CUX1: variants seen among roughly 807,000 people sequenced by gnomAD.
The protein encoded by CUX1 is cut like homeobox 1.
CUX1 carries 31 observed loss-of-function variants against 158.8 expected under a neutral mutation model. That is an observed-to-expected ratio of 0.20 (90% CI 0.15 to 0.26). The LOEUF (loss-of-function observed/expected upper bound fraction) is 0.26. Ranked by LOEUF, CUX1 falls within the 10% of genes least tolerant of loss-of-function variation. The pLI is 1.00. For missense variants in CUX1, 1,589 were observed against 2,014.6 expected (o/e 0.79, Z 4.04); for synonymous variants, 879 against 862.1 (o/e 1.02, Z -0.34).
At chr7:101,885,021 G>A (rs1800083267) in intron 1 of CUX1, among the ~76,000 whole-genome samples, 1 of 152,040 alleles carries the variant, frequency 6.6e-6, no homozygotes, top group Non-Finnish European at 1.5e-5. Context: ...TCCCCTCCCT[G>A]CATGTCCTCT....
intron 18 of CUX1, among the ~76,000 whole-genome samples, chr7:102,279,565 C>T (rs1402482779): frequency 1.3e-5 from 2 of 152,178 alleles, no homozygotes; most frequent in Middle Eastern, 3.4e-3. Context: ...CAGGGATTCA[C>T]CTCTCCCTCT....
intron 1 of CUX1, among the ~76,000 whole-genome samples, chr7:101,894,178 T>C (rs886252158): frequency 1.3e-5 from 2 of 152,218 alleles, no homozygotes. Flanking sequence ...TGTAGGGATT[T>C]GGTGGTTTTT....
chr7:102,040,738 T>C lies in CUX1; in HGVS notation c.189+12593T>C, dbSNP rs181350441. Among the ~76,000 whole-genome samples, 770 of 152,342 alleles carry C rather than the reference T, an allele frequency of 5.1e-3. 8 individuals carry two copies. Among genetic ancestry groups the C allele is most frequent in the Non-Finnish European group, 8.2e-3 (559 of 68,036 alleles). ...TTGCTAAATAAAGCCAGGGCGTCCA[T>C]GTGGTTCGCTCCAAAGAGCATTTCA... On this transcript the variant is annotated intron_variant, in intron 3 of 23. Coordinates refer to ENST00000292535, the MANE Select transcript of CUX1 (RefSeq NM_181552.4).
At chr7:102,113,771 G>T (rs1022414692) in intron 7 of CUX1, among the ~76,000 whole-genome samples, 13 of 151,638 alleles carry the variant, frequency 8.6e-5, no homozygotes, top group African/African-American at 3.2e-4. Flanking sequence ...TCACTGTGTT[G>T]CCCAGGCTGG....
intron 2 of CUX1, among the ~76,000 whole-genome samples, chr7:101,943,368 A>C (rs1807955707): frequency 6.6e-6 from 1 of 151,926 alleles, no homozygotes; most frequent in Non-Finnish European, 1.5e-5. Flanking sequence ...TGGCCTCCCA[A>C]AGTTCTGGGA....
intron 4 of CUX1, among the ~76,000 whole-genome samples, chr7:102,092,922 AAAAAAAAAAAGAAAGAAAG>A (rs1238937650): frequency 9.6e-5 from 10 of 104,274 alleles, no homozygotes; most frequent in Non-Finnish European, 1.6e-4. Context: ...CAAAAAAAAA[AAAAAAAAAAAGAAAGAAAG>A]AAAAGAAAAA....
chr7:102,120,575 G>A (rs535878375), intron 8 of CUX1, among the ~76,000 whole-genome samples: 26 of 152,278 alleles, frequency 1.7e-4, no homozygotes, highest in African/African-American at 4.8e-4. Flanking sequence ...AGACATTTAC[G>A]AGGAACTTCA....
intron 2 of CUX1, among the ~76,000 whole-genome samples, chr7:101,985,824 A>G (rs1346334823): frequency 2.0e-5 from 3 of 152,218 alleles, no homozygotes; most frequent in African/African-American, 7.2e-5. Context: ...ATGTGGTGTG[A>G]TTCTTGACGT....
At chr7:102,033,133 T>G (rs1280811005) in intron 3 of CUX1, among the ~76,000 whole-genome samples, 1 of 152,098 alleles carries the variant, frequency 6.6e-6, no homozygotes, top group Non-Finnish European at 1.5e-5. Flanking sequence ...AAAAACAATC[T>G]ATGAACTAAG....
chr7:101,959,188 AAC>A (rs1338789658), intron 2 of CUX1, among the ~76,000 whole-genome samples: 1 of 151,734 alleles, frequency 6.6e-6, no homozygotes, highest in Non-Finnish European at 1.5e-5. Context: ...ATTCAGGAAA[AAC>A]AGACTTTTCC....
intron 2 of CUX1, among the ~76,000 whole-genome samples, chr7:102,006,019 T>C (rs568639971): frequency 6.6e-6 from 1 of 152,278 alleles, no homozygotes; most frequent in African/African-American, 2.4e-5. Flanking sequence ...AAGATGCGCT[T>C]GGAAGGCTAA....
chr7:102,257,421 G>GA lies in CUX1; in HGVS notation c.*8389dup, dbSNP rs797034263. On this transcript the variant is annotated 3_prime_UTR_variant, in exon 24 of 24. Transcript: ENST00000292535. The stretch of plus-strand genomic sequence containing the variant: ...ACGTACCCCCATCTGAGACCTCTTG[G>GA]AAAAAAAAAATCCCGTGTATTCTGG... 4.4e-4 allele frequency: 424 copies of GA among 966,352 alleles called. No homozygotes were observed. The highest frequency in any genetic ancestry group is 8.6e-4 in the African/African-American group (48 of 55,932). The allele number at this position is 966,352 out of a possible 1,614,324, so 59.9% of individuals were successfully genotyped here. A position where few individuals can be genotyped will look rare whatever the true frequency, so the allele number is the denominator to read the frequency against.
At chr7:102,021,603 CT>C (rs1160807638) in intron 2 of CUX1, among the ~76,000 whole-genome samples, 3 of 105,860 alleles carry the variant, frequency 2.8e-5, no homozygotes, top group Non-Finnish European at 4.0e-5. Flanking sequence ...CTACCAGATA[CT>C]TTTTTTTCTC....
chr7:102,061,686 A>G (rs1824895704), intron 3 of CUX1, among the ~76,000 whole-genome samples: 1 of 152,308 alleles, frequency 6.6e-6, no homozygotes, highest in African/African-American at 2.4e-5. Flanking sequence ...CCACATGGGC[A>G]TGGCCAGGCC....
At chr7:101,917,250 G>A (rs534152535) in intron 2 of CUX1, among the ~76,000 whole-genome samples, 7 of 152,176 alleles carry the variant, frequency 4.6e-5, no homozygotes, top group Admixed American at 6.5e-5. Flanking sequence ...TTTTAAAAGC[G>A]GACTCATTTA....
Position 102,250,648 on chromosome 7 carries a change from T to C in CUX1, c.*1606T>C. ...AACTTCCAAACCTACCATTTGCCCT[T>C]CTTTCATTTCGCCTCTTAGTTCTTT... On this transcript the variant is annotated 3_prime_UTR_variant, in exon 24 of 24. Coordinates refer to ENST00000292535, the MANE Select transcript of CUX1 (RefSeq NM_181552.4). The C allele has an allele frequency of 2.0e-6, 2 of 985,430 alleles. No homozygotes were observed. The highest frequency in any genetic ancestry group is 2.4e-6 in the Non-Finnish European group (2 of 829,952). The allele number at this position is 985,430 out of a possible 1,614,324, so 61.0% of individuals were successfully genotyped here.
chr7:101,848,176 C>T (rs568254210), intron 1 of CUX1, among the ~76,000 whole-genome samples: 1 of 151,928 alleles, frequency 6.6e-6, no homozygotes, highest in Non-Finnish European at 1.5e-5. Flanking sequence ...TCGCCCAGGT[C>T]ACTGGGTGTG....
intron 1 of CUX1, among the ~76,000 whole-genome samples, chr7:101,893,319 CTTTTTA>C (rs1215150877): frequency 6.6e-6 from 1 of 151,678 alleles, no homozygotes; most frequent in African/African-American, 2.4e-5. Flanking sequence ...GTTTGTTTTA[CTTTTTA>C]TTTTTATTAC....
intron 11 of CUX1, among the ~76,000 whole-genome samples, chr7:102,187,528 G>T (rs577419035): frequency 1.3e-5 from 2 of 152,140 alleles, no homozygotes; most frequent in African/African-American, 4.8e-5. Context: ...TCAGGCTGTC[G>T]GCCTTCTTGG....
Sources: allele counts gnomAD v4.1 joint callset (sites outside exome capture counted in the v4.1 genomes callset), GRCh38; gene constraint gnomAD v4.1.1; transcripts MANE v1.5; gene names NCBI Gene and HGNC (gene_info 2026-07-23, HGNC 2026-07-21).